The following NPSR1 variants were observed in gnomAD, a reference collection of about 807,000 sequenced individuals.
NPSR1 encodes neuropeptide S receptor 1, also known as neuropeptide S receptor.
NPSR1 carries 48 observed loss-of-function variants against 46.9 expected under a neutral mutation model. The observed-to-expected ratio is 1.02, with a 90% CI of 0.81 to 1.30. The LOEUF (loss-of-function observed/expected upper bound fraction) is 1.30. Among genes scored for constraint, NPSR1 ranks in the 50% most tolerant of loss-of-function variants. NPSR1 has a pLI of 0.00. For synonymous variants in NPSR1, 176 were observed against 168.1 expected, an observed-to-expected ratio of 1.05 and a Z score of -0.36; for missense variants, 450 against 449.5, an observed-to-expected ratio of 1.00 and a Z score of -0.01.
chr7:34,864,427 A>G (rs541692403), intron 8 of NPSR1, among the ~76,000 whole-genome samples: 1 of 151,820 alleles, frequency 6.6e-6, no homozygotes, highest in African/African-American at 2.4e-5. Context: ...CAATTACAAG[A>G]TGTTCCAAAT....
intron 1 of NPSR1, among the ~76,000 whole-genome samples, chr7:34,682,492 C>T (rs758545669): frequency 1.3e-5 from 2 of 152,162 alleles, no homozygotes; most frequent in Non-Finnish European, 1.5e-5. Context: ...TCAGTGAGAC[C>T]TTCTGATGGA....
chr7:34,827,629 A>AGGG, intron 5 of NPSR1, 27 bp downstream of exon 5: 3 of 304,056 alleles, frequency 9.9e-6, no homozygotes, highest in Non-Finnish European at 1.8e-5. Context: ...ACAGGACCAC[A>AGGG]CGGGGGGGTG....
chr7:34,870,021 C>T (rs1320113316), intron 8 of NPSR1, among the ~76,000 whole-genome samples: 1 of 151,744 alleles, frequency 6.6e-6, no homozygotes, highest in African/African-American at 2.4e-5. Context: ...TAGCAGCATA[C>T]TTTTGTACCT....
At chr7:34,863,276 C>T (rs748158166) in intron 8 of NPSR1, among the ~76,000 whole-genome samples, 1 of 151,820 alleles carries the variant, frequency 6.6e-6, no homozygotes, top group Non-Finnish European at 1.5e-5. Context: ...ACTATAAAAA[C>T]CCTAGAAGAA....
At chr7:34,832,273 C>T (rs939477890) in intron 5 of NPSR1, among the ~76,000 whole-genome samples, 3 of 152,178 alleles carry the variant, frequency 2.0e-5, no homozygotes, top group Non-Finnish European at 4.4e-5. Flanking sequence ...GTGACTCACA[C>T]CTGTAATCTC....
chr7:34,759,119 T>G (rs1583963310), intron 2 of NPSR1, among the ~76,000 whole-genome samples: 3 of 152,296 alleles, frequency 2.0e-5, no homozygotes, highest in Admixed American at 2.0e-4. Flanking sequence ...TTACTAGTGA[T>G]GTTATTGTCA....
At chr7:34,869,236 G>C (rs775096080) in intron 8 of NPSR1, among the ~76,000 whole-genome samples, 6 of 151,606 alleles carry the variant, frequency 4.0e-5, no homozygotes, top group Admixed American at 1.3e-4. Flanking sequence ...TAACCAAGCG[G>C]AGGCAAAAAC....
intron 2 of NPSR1, among the ~76,000 whole-genome samples, chr7:34,734,400 TG>T (rs1223906747): frequency 3.3e-5 from 5 of 152,092 alleles, no homozygotes; most frequent in African/African-American, 1.2e-4. Context: ...GACTGATGGA[TG>T]GGAATGGAGA....
At position 34,724,974 on chromosome 7, in the gene NPSR1, G is replaced by A. The variant is rs535419653; in HGVS notation, c.280+40290G>A. ...GGGTGAGATGAGGGAGATGTTCAAC[G>A]GTAATAGACAGCAAAGTGTTACCAA... On this transcript the variant is annotated intron_variant, in intron 2 of 8. Coordinates refer to ENST00000360581, the MANE Select transcript of NPSR1 (RefSeq NM_207172.2). Among the ~76,000 whole-genome samples the A allele has an allele frequency of 9.9e-4, 150 of 152,090 alleles. 4 individuals carry two copies. In the South Asian group the frequency reaches 0.012, roughly 12 times the overall value.
At chr7:34,759,141 T>C (rs1446112029) in intron 2 of NPSR1, among the ~76,000 whole-genome samples, 1 of 152,226 alleles carries the variant, frequency 6.6e-6, no homozygotes, top group Non-Finnish European at 1.5e-5. Flanking sequence ...ATTTCTCCAC[T>C]GTAAAGATAC....
At chr7:34,701,776 T>G (rs558439160) in intron 2 of NPSR1, among the ~76,000 whole-genome samples, 1 of 152,216 alleles carries the variant, frequency 6.6e-6, no homozygotes, top group Non-Finnish European at 1.5e-5. Context: ...ATAGGCATTG[T>G]CAGGTAAGGC....
chr7:34,803,362 A>G (rs1788517356), intron 3 of NPSR1, among the ~76,000 whole-genome samples: 1 of 152,182 alleles, frequency 6.6e-6, no homozygotes, highest in Non-Finnish European at 1.5e-5. Flanking sequence ...TGTGGCACAT[A>G]TACACCATGG....
At chr7:34,686,141 T>C (rs1186087398) in intron 2 of NPSR1, 2 of 152,792 alleles carry the variant, frequency 1.3e-5, no homozygotes, top group East Asian at 3.8e-4. Context: ...AATAAACAAA[T>C]GATAATTGAA....
chr7:34,824,395 A>C (rs1789726242), intron 4 of NPSR1, among the ~76,000 whole-genome samples: 1 of 152,162 alleles, frequency 6.6e-6, no homozygotes, highest in Non-Finnish European at 1.5e-5. Context: ...CCTTATATGC[A>C]AACCTGCATT....
intron 3 of NPSR1, among the ~76,000 whole-genome samples, chr7:34,795,253 A>G (rs1447622088): frequency 1.3e-5 from 2 of 152,192 alleles, no homozygotes; most frequent in East Asian, 3.8e-4. Context: ...AACTAGGAAT[A>G]GAAAGTAATC....
At position 34,795,370 on chromosome 7, in the gene NPSR1, T is replaced by C. The variant is rs1430294541; in HGVS notation, c.385-16400T>C. Among the ~76,000 whole-genome samples, 3 of 152,088 alleles carry C rather than the reference T, an allele frequency of 2.0e-5. No homozygotes were observed. The South Asian group carries it at 6.2e-4, about 32-fold the overall frequency. On this transcript the variant is annotated intron_variant, in intron 3 of 8. Transcript: ENST00000360581. Reference sequence around the variant, plus strand: ...GCTAAGATTAGGAAGAAAACAAGGATTTCCCTCTCACATTCCTTTTCATCA... The same window carrying C: ...GCTAAGATTAGGAAGAAAACAAGGACTTCCCTCTCACATTCCTTTTCATCA...
intron 4 of NPSR1, among the ~76,000 whole-genome samples, chr7:34,813,894 G>A (rs998886926): frequency 2.0e-5 from 3 of 152,220 alleles, no homozygotes; most frequent in Admixed American, 6.5e-5. Flanking sequence ...TAAGACATAT[G>A]AGTAAAAATA....
rs1261714748 is a variant in NPSR1 at position 34,689,954 on chromosome 7, T to A, written c.280+5270T>A. ...AGTGGGACCCTGTCTCTAAAAAAAATTAAAAAAAAAAAAAGGAAAAGAAAA... is the reference window on the plus strand; with the variant it reads ...AGTGGGACCCTGTCTCTAAAAAAAAATAAAAAAAAAAAAAGGAAAAGAAAA... On this transcript the variant is annotated intron_variant, in intron 2 of 8. Coordinates refer to ENST00000360581, the MANE Select transcript of NPSR1 (RefSeq NM_207172.2). Among the ~76,000 whole-genome samples the A allele has an allele frequency of 2.2e-3, 295 of 135,338 alleles. 1 individual carries two copies. Among genetic ancestry groups the A allele is most frequent in the African/African-American group, 7.6e-3 (268 of 35,490 alleles). The allele number at this position is 135,338 out of a possible 152,430, so 88.8% of individuals were successfully genotyped here.
intron 2 of NPSR1, among the ~76,000 whole-genome samples, chr7:34,690,369 GA>G (rs1311628086): frequency 1.2e-4 from 19 of 152,084 alleles, no homozygotes; most frequent in African/African-American, 4.6e-4. Flanking sequence ...ACCCCCAAAG[GA>G]TCACACTAAC....
Sources: allele counts gnomAD v4.1 joint callset (sites outside exome capture counted in the v4.1 genomes callset), GRCh38; gene constraint gnomAD v4.1.1; transcripts MANE v1.5; gene names NCBI Gene and HGNC (gene_info 2026-07-23, HGNC 2026-07-21).